ZNF230: variants seen among roughly 807,000 people sequenced by gnomAD.
ZNF230 encodes the protein zinc finger protein 230.
A neutral mutation model predicts 10.0 loss-of-function variants in ZNF230; 12 were observed. The observed-to-expected ratio is 1.20, with a 90% CI of 0.77 to 1.95. The LOEUF (loss-of-function observed/expected upper bound fraction) is 1.95, where lower values mean the gene tolerates loss of function less well. ZNF230 is among the 30% of genes most tolerant of loss of function. The pLI, the probability that ZNF230 is intolerant of heterozygous loss-of-function variation, is 0.00. For synonymous variants in ZNF230, 174 were observed against 193.6 expected (o/e 0.90, Z 0.84); for missense variants, 532 against 565.8 (o/e 0.94, Z 0.61).
Position 44,011,604 on chromosome 19 carries a change from G to C in ZNF230, c.*140G>C, listed in dbSNP as rs1976185094. On this transcript the variant is annotated 3_prime_UTR_variant, in exon 5 of 5. Transcript: ENST00000429154. The stretch of plus-strand genomic sequence containing the variant: ...GGAAAATTCAAAATCCATTGTTCTA[G>C]CGATTTGAAAAGAAACAATAAATTA... 2 of 933,226 alleles carry C rather than the reference G, an allele frequency of 2.1e-6. No individual in the cohort carries two copies. Among genetic ancestry groups the C allele is most frequent in the Non-Finnish European group, 3.1e-6 (2 of 645,738 alleles). 57.8% of individuals were successfully genotyped at this position (933,226 alleles called of 1,614,324 possible).
At chr19:44,005,528 A>C (rs1004314948) in intron 1 of ZNF230, among the ~76,000 whole-genome samples, 3 of 152,242 alleles carry the variant, frequency 2.0e-5, no homozygotes, top group African/African-American at 7.2e-5. Flanking sequence ...ATAGTGTTGA[A>C]TAGCATATTA....
Position 44,011,003 on chromosome 19 carries a change from G to A in ZNF230, c.964G>A (p.Asp322Asn). ...TGGAAAAGGCTTCACTGATAGCCTA[G>A]ATTTGCATAAGCATCAGATAATTCA... ...ECGKGFTDSL[D>N]LHKHQIIHTG... Residue 322 changes from aspartate (D) to asparagine (N), a missense_variant, in exon 5 of 5, where the codon GAT becomes AAT. Coordinates refer to ENST00000429154, the MANE Select transcript of ZNF230 (RefSeq NM_006300.4). 1.2e-6 allele frequency: 2 copies of A among 1,614,206 alleles called. No homozygotes were observed. Among genetic ancestry groups the A allele is most frequent in the Non-Finnish European group, 1.7e-6 (2 of 1,180,032 alleles).
rs1436233354 is a variant in ZNF230 at position 44,010,698 on chromosome 19, G to C, written c.659G>C (p.Gly220Ala). Residue 220 changes from glycine (G) to alanine (A), a missense_variant, in exon 5 of 5, where the codon GGA becomes GCA. Physicochemically the swap from Gly to Ala is moderately conservative, Grantham distance 60 (BLOSUM62 0). Coordinates refer to ENST00000429154, the MANE Select transcript of ZNF230 (RefSeq NM_006300.4). Reference protein sequence around the residue: ...CLQTRERVHTGEKPFKCEQCG... With the variant: ...CLQTRERVHTAEKPFKCEQCG... ...CAAACTCGTGAGAGAGTCCACACTG[G>C]AGAGAAACCATTCAAATGTGAGCAA... 5.0e-6 allele frequency: 8 copies of C among 1,614,244 alleles called. No homozygotes were observed. Among genetic ancestry groups the C allele is most frequent in the Non-Finnish European group, 6.8e-6 (8 of 1,180,030 alleles).
At chr19:44,009,372 G>C in intron 4 of ZNF230, 1 of 613,568 alleles carries the variant, frequency 1.6e-6, no homozygotes, top group South Asian at 2.2e-5. Context: ...AATGATCCTT[G>C]GGAAATGCAA....
rs527702958 is a variant in ZNF230 at position 44,010,300 on chromosome 19, T to C, written c.261T>C (p.His87=). ...GGKTIAEAGP[H]EDCPCQQIWE... is the part of the protein sequence containing the mutation. Reference sequence around the variant, plus strand: ...AGACTATTGCGGAAGCAGGACCACATGAAGACTGCCCTTGCCAGCAAATCT... The same window carrying C: ...AGACTATTGCGGAAGCAGGACCACACGAAGACTGCCCTTGCCAGCAAATCT... Residue 87 remains histidine (H), a synonymous_variant, in exon 5 of 5, where the codon CAT becomes CAC. Coordinates refer to ENST00000429154, the MANE Select transcript of ZNF230 (RefSeq NM_006300.4). 3.2e-5 allele frequency: 52 copies of C among 1,613,028 alleles called. No individual in the cohort carries two copies. The South Asian group carries it at 5.1e-4, about 16-fold the overall frequency.
rs547858430 is a variant in ZNF230 at position 44,003,005 on chromosome 19, C to G, written c.-171C>G. Reference sequence around the variant, plus strand: ...AACCGCGTAGTTTGAGCCATTTCTGCGTCTGGCGGGTCCTTCTGAACTTGT... The same window carrying G: ...AACCGCGTAGTTTGAGCCATTTCTGGGTCTGGCGGGTCCTTCTGAACTTGT... On this transcript the variant is annotated 5_prime_UTR_variant, in exon 1 of 5. Transcript: ENST00000429154. 2.6e-5 allele frequency: 4 copies of G among 152,232 alleles called. No homozygotes were observed. In the South Asian group the frequency reaches 8.3e-4, roughly 32 times the overall value. The allele number at this position is 152,232 out of a possible 1,614,324, so 9.4% of individuals were successfully genotyped here. A position where few individuals can be genotyped will look rare whatever the true frequency, so the allele number is the denominator to read the frequency against.
Position 44,011,499 on chromosome 19 carries a change from T to TA in ZNF230, c.*37dup, listed in dbSNP as rs1281388132. Reference sequence around the variant, plus strand: ...ATATATGGGATATGGTATGAAATTTTAATATGTGTATATAATACGTAATGA... The same window carrying TA: ...ATATATGGGATATGGTATGAAATTTTAAATATGTGTATATAATACGTAATGA... On this transcript the variant is annotated 3_prime_UTR_variant, in exon 5 of 5. Coordinates refer to ENST00000429154, the MANE Select transcript of ZNF230 (RefSeq NM_006300.4). 2 of 1,500,468 alleles carry TA rather than the reference T, an allele frequency of 1.3e-6. No individual in the cohort carries two copies. The highest frequency in any genetic ancestry group is 1.8e-6 in the Non-Finnish European group (2 of 1,112,242). 92.9% of individuals were successfully genotyped at this position (1,500,468 alleles called of 1,614,324 possible).
intron 1 of ZNF230, chr19:44,003,521 T>A (rs1449276664): frequency 1.3e-5 from 2 of 152,202 alleles, no homozygotes; most frequent in African/African-American, 2.4e-5. Flanking sequence ...GGGGCCCTGG[T>A]CCTTCTCCCT....
rs767199422 is a variant in ZNF230, at chr19:44,008,796, G to A, written c.22G>A (p.Val8Met). 30 of 1,613,790 alleles carry A rather than the reference G, an allele frequency of 1.9e-5. No individual in the cohort carries two copies. The highest frequency in any genetic ancestry group is 2.5e-5 in the Non-Finnish European group (30 of 1,179,822). The stretch of plus-strand genomic sequence containing the variant: ...TGTATCCTTGATGTTATAGGAGGCA[G>A]TGACCTTCAAGGATGTGGCTGTGTT... MTTFKEA[V>M]TFKDVAVFFT... Residue 8 changes from valine to methionine, a missense_variant, in exon 3 of 5, where the codon GTG becomes ATG. Physicochemically the swap from Val to Met is conservative, Grantham distance 21. Coordinates refer to ENST00000429154, the MANE Select transcript of ZNF230 (RefSeq NM_006300.4).
In ZNF230 at chr19:44,010,734, G is replaced by A. The variant is rs151068123; in HGVS notation, c.695G>A (p.Gly232Asp). The A allele has an allele frequency of 1.7e-5, 28 of 1,614,202 alleles. No individual in the cohort carries two copies. In the African/African-American group the frequency reaches 3.6e-4, roughly 21 times the overall value. Residue 232 changes from glycine (G) to aspartate (D), a missense_variant, in exon 5 of 5, where the codon GGC becomes GAC. Coordinates refer to ENST00000429154, the MANE Select transcript of ZNF230 (RefSeq NM_006300.4). ...KPFKCEQCGK[G>D]FRCRAILQVH... Reference sequence around the variant, plus strand: ...TTCAAATGTGAGCAATGTGGGAAAGGCTTCAGATGTAGAGCGATACTTCAA... The same window carrying A: ...TTCAAATGTGAGCAATGTGGGAAAGACTTCAGATGTAGAGCGATACTTCAA...
chr19:44,009,342 A>G (rs575117842), intron 4 of ZNF230, 172 bp downstream of exon 4: 8 of 714,264 alleles, frequency 1.1e-5, no homozygotes, highest in African/African-American at 7.2e-5. Context: ...CCTGACATCT[A>G]TTTTCCCCCG....
rs1307343199 is a variant in ZNF230 at position 44,010,280 on chromosome 19, A to G, written c.241A>G (p.Ile81Val). The G allele has an allele frequency of 2.5e-6, 4 of 1,606,758 alleles. No individual in the cohort carries two copies. Among genetic ancestry groups the G allele is most frequent in the Admixed American group, 1.7e-5 (1 of 59,580 alleles). The stretch of plus-strand genomic sequence containing the variant: ...CTGTGTCCTTATAGGCGGCAAGACT[A>G]TTGCGGAAGCAGGACCACATGAAGA... ...QREGNSGGKT[I>V]AEAGPHEDCP... The change falls in exon 5 of 5, where the codon ATT becomes GTT. Residue 81 changes from isoleucine (I) to valine (V), a missense_variant. Coordinates refer to ENST00000429154, the MANE Select transcript of ZNF230 (RefSeq NM_006300.4).
At chr19:44,006,815 A>G (rs569176051) in intron 1 of ZNF230, 196 bp from the exon 2 acceptor site, 328 of 332,670 alleles carry the variant, frequency 9.9e-4, no homozygotes, top group Non-Finnish European at 1.6e-3. Context: ...TTTAATTTCC[A>G]AATTAGATTC....
chr19:44,004,405 A>G lies in ZNF230; in HGVS notation c.-69+1298A>G, dbSNP rs998840588. ...AATGTGTTTTCCCATATGTCTTTTAACTATAGAAAATTTTAAATATTGCTA... is the reference window on the plus strand; with the variant it reads ...AATGTGTTTTCCCATATGTCTTTTAGCTATAGAAAATTTTAAATATTGCTA... On this transcript the variant is annotated intron_variant, in intron 1 of 4. Coordinates refer to ENST00000429154, the MANE Select transcript of ZNF230 (RefSeq NM_006300.4). 2.6e-5 allele frequency: 4 copies of G among 152,290 alleles called. No individual in the cohort carries two copies. The East Asian group carries it at 5.8e-4, about 22-fold the overall frequency. The allele number at this position is 152,290 out of a possible 1,614,324, so 9.4% of individuals were successfully genotyped here. A position where few individuals can be genotyped will look rare whatever the true frequency, so the allele number is the denominator to read the frequency against.
chr19:44,008,607 C>T (rs1976143269), intron 2 of ZNF230, among the ~76,000 whole-genome samples, 183 bp from the exon 3 acceptor site: 1 of 152,124 alleles, frequency 6.6e-6, no homozygotes, highest in Non-Finnish European at 1.5e-5. Flanking sequence ...AGTAAAAATA[C>T]AGGAGGTCTT....
Position 44,011,542 on chromosome 19 carries a change from G to A in ZNF230, c.*78G>A. 7.5e-7 allele frequency: 1 copy of A among 1,332,764 alleles called. No individual in the cohort carries two copies. Among genetic ancestry groups the A allele is most frequent in the Non-Finnish European group, 1.0e-6 (1 of 978,458 alleles). 82.6% of individuals were successfully genotyped at this position (1,332,764 alleles called of 1,614,324 possible). A position where few individuals can be genotyped will look rare whatever the true frequency, so the allele number is the denominator to read the frequency against. On this transcript the variant is annotated 3_prime_UTR_variant, in exon 5 of 5. Coordinates refer to ENST00000429154, the MANE Select transcript of ZNF230 (RefSeq NM_006300.4). Reference sequence around the variant, plus strand: ...CGTAATGATCAAATTGATGTAATTAGTGTATTACCTTAAACAATTAACATT... The same window carrying A: ...CGTAATGATCAAATTGATGTAATTAATGTATTACCTTAAACAATTAACATT...
chr19:44,008,707 TCTCCTCTCCG>T (rs1421911324), intron 2 of ZNF230, 73 bp from the exon 3 acceptor site: 103 of 1,512,192 alleles, frequency 6.8e-5, no homozygotes, highest in Admixed American at 3.9e-5. Flanking sequence ...GACCTCCACT[TCTCCTCTCCG>T]CCTGCTCAAT....
chr19:44,011,203 A>G lies in ZNF230; in HGVS notation c.1164A>G (p.Gly388=). Residue 388 remains glycine (G), a synonymous_variant, in exon 5 of 5, where the codon GGA becomes GGG. Coordinates refer to ENST00000429154, the MANE Select transcript of ZNF230 (RefSeq NM_006300.4). ...GLNLHQRVHT[G]ERPYNCKECG... ...ACTTGCACCAGAGGGTCCATACTGGAGAGAGACCTTATAATTGTAAGGAAT... is the reference window on the plus strand; with the variant it reads ...ACTTGCACCAGAGGGTCCATACTGGGGAGAGACCTTATAATTGTAAGGAAT... 6.2e-7 allele frequency: 1 copy of G among 1,614,068 alleles called. No homozygotes were observed. Among genetic ancestry groups the G allele is most frequent in the Non-Finnish European group, 8.5e-7 (1 of 1,179,968 alleles).
chr19:44,011,257 TA>T lies in ZNF230; in HGVS notation c.1219del (p.Ile407PhefsTer2). The T allele has an allele frequency of 6.2e-7, 1 of 1,614,114 alleles. No homozygotes were observed. The highest frequency in any genetic ancestry group is 8.5e-7 in the Non-Finnish European group (1 of 1,180,014). On this transcript the variant is annotated frameshift_variant, in exon 5 of 5. Transcript: ENST00000429154. LOFTEE classifies it low-confidence loss of function (END_TRUNC). ...GGAAGAGCTTTAGCCGGGCTTCAAG[TA>T]TTTTGAATCATAAGAAACTCCACTG... Reference protein sequence around the residue: ...CGKSFSRASSILNHKKLHCRK... With the variant: ...CGKSFSRASSXLNHKKLHCRK...
Sources: gnomAD v4.1 joint callset for allele counts (sites outside exome capture counted in the v4.1 genomes callset) on GRCh38, gnomAD v4.1.1 for gene constraint, MANE v1.5 for transcripts, NCBI Gene and HGNC (gene_info 2026-07-23, HGNC 2026-07-21) for gene names.